The following RPTOR variants were observed in gnomAD, a reference collection of about 807,000 sequenced individuals.
RPTOR encodes the protein regulatory associated protein of MTOR complex 1, also known as regulatory-associated protein of mTOR.
RPTOR carries 21 observed loss-of-function variants against 169.9 expected under a neutral mutation model. That is an observed-to-expected ratio of 0.12 (90% CI 0.09 to 0.18). The LOEUF is 0.18. Among genes scored for constraint, RPTOR ranks in the 10% least tolerant of loss-of-function variants. RPTOR has a pLI of 1.00. For synonymous variants in RPTOR, 732 were observed against 753.2 expected (o/e 0.97, Z 0.46); for missense variants, 1,133 against 1,855.9 (o/e 0.61, Z 7.16).
At position 80,740,722 on chromosome 17, in the gene RPTOR, C is replaced by CA. The variant is rs113920656; in HGVS notation, c.654+10026dup. On this transcript the variant is annotated intron_variant, in intron 5 of 33. Coordinates refer to ENST00000306801, the MANE Select transcript of RPTOR (RefSeq NM_020761.3). ...ACTCTTTCATGCGAGAGAAAACAAA[C>CA]AAAAAAAAAACTTTCAGTGAACTAA... is the stretch of plus-strand genomic sequence containing the variant. Among the ~76,000 whole-genome samples the CA allele has an allele frequency of 7.6e-4, 111 of 146,770 alleles. No individual in the cohort carries two copies. The Middle Eastern group carries it at 0.01, about 14-fold the overall frequency.
intron 3 of RPTOR, among the ~76,000 whole-genome samples, chr17:80,645,215 G>C (rs968428886): frequency 1.3e-5 from 2 of 152,196 alleles, no homozygotes; most frequent in Non-Finnish European, 2.9e-5. Context: ...ACTTGCAGGA[G>C]TGTGGGGCAG....
At chr17:80,830,578 T>G (rs1049663701) in intron 9 of RPTOR, among the ~76,000 whole-genome samples, 4 of 152,172 alleles carry the variant, frequency 2.6e-5, no homozygotes, top group African/African-American at 9.7e-5. Flanking sequence ...CTGGGCCATC[T>G]TGCACGGGCC....
intron 1 of RPTOR, among the ~76,000 whole-genome samples, chr17:80,604,825 G>A (rs897640371): frequency 2.0e-5 from 3 of 152,072 alleles, no homozygotes; most frequent in Non-Finnish European, 4.4e-5. Flanking sequence ...ATCCATCCGC[G>A]CGATTCAATT....
chr17:80,949,417 A>G (rs745425313), intron 27 of RPTOR, 26 bp from the exon 28 acceptor site: 1 of 1,591,742 alleles, frequency 6.3e-7, no homozygotes, highest in Non-Finnish European at 8.6e-7. Context: ...GGCCTGGTTC[A>G]CATCCTTTCC....
intron 3 of RPTOR, among the ~76,000 whole-genome samples, chr17:80,653,112 A>G (rs2065653642): frequency 6.6e-6 from 1 of 152,162 alleles, no homozygotes; most frequent in African/African-American, 2.4e-5. Flanking sequence ...TATGAGTTCA[A>G]AATGGAGACT....
chr17:80,657,711 G>A (rs1412105964), intron 3 of RPTOR, among the ~76,000 whole-genome samples: 1 of 152,156 alleles, frequency 6.6e-6, no homozygotes, highest in Non-Finnish European at 1.5e-5. Context: ...GGGGAGGGCT[G>A]ACTTACTGGG....
intron 13 of RPTOR, among the ~76,000 whole-genome samples, chr17:80,870,111 A>G (rs771321843): frequency 2.0e-5 from 3 of 152,328 alleles, no homozygotes; most frequent in Middle Eastern, 3.4e-3. Context: ...AGGGTTTTTC[A>G]TAGATAAAAT....
At chr17:80,664,935 A>C (rs2143657843) in intron 3 of RPTOR, among the ~76,000 whole-genome samples, 1 of 152,352 alleles carries the variant, frequency 6.6e-6, no homozygotes, top group East Asian at 1.9e-4. Flanking sequence ...CAAAAGGAAC[A>C]AAAATGTTTT....
rs184979327 is a variant in RPTOR at position 80,551,923 on chromosome 17, G to C, written c.162+6132G>C. 9.1e-3 allele frequency among the ~76,000 whole-genome samples: 1,387 copies of C among 152,308 alleles called. 31 individuals carry two copies. The highest frequency in any genetic ancestry group is 0.031 in the African/African-American group (1,292 of 41,570). On this transcript the variant is annotated intron_variant, in intron 1 of 33. Coordinates refer to ENST00000306801, the MANE Select transcript of RPTOR (RefSeq NM_020761.3). Reference sequence around the variant, plus strand: ...TGGGTACTTGAGATTAGGGAGTGATGATGACTCTTAAGGAGCATGCTGCCT... The same window carrying C: ...TGGGTACTTGAGATTAGGGAGTGATCATGACTCTTAAGGAGCATGCTGCCT...
intron 5 of RPTOR, among the ~76,000 whole-genome samples, chr17:80,734,607 A>T (rs113208415): frequency 7.9e-4 from 121 of 152,338 alleles, no homozygotes; most frequent in African/African-American, 2.4e-3. Context: ...GGGACCAGGC[A>T]TCCTTAGCCG....
intron 2 of RPTOR, among the ~76,000 whole-genome samples, chr17:80,638,957 A>C (rs1011018058): frequency 6.6e-6 from 1 of 152,196 alleles, no homozygotes; most frequent in Non-Finnish European, 1.5e-5. Flanking sequence ...AGACGCTGCA[A>C]GGGCCGCGGG....
chr17:80,792,038 C>T (rs977385830), intron 7 of RPTOR, among the ~76,000 whole-genome samples: 2 of 152,136 alleles, frequency 1.3e-5, no homozygotes, highest in Admixed American at 6.5e-5. Context: ...ATAATCCTTC[C>T]AGTCCCATTG....
At chr17:80,687,017 T>C (rs146422213) in intron 3 of RPTOR, among the ~76,000 whole-genome samples, 7 of 152,326 alleles carry the variant, frequency 4.6e-5, no homozygotes, top group Admixed American at 1.3e-4. Context: ...AATCTGTCTG[T>C]CTGTGTCTTC....
intron 1 of RPTOR, among the ~76,000 whole-genome samples, chr17:80,600,257 T>A (rs1332953043): frequency 6.6e-6 from 1 of 151,716 alleles, no homozygotes; most frequent in Non-Finnish European, 1.5e-5. Context: ...TGGAGGAGAT[T>A]ATGAGTTAAT....
At chr17:80,794,423 G>A (rs1290904519) in intron 7 of RPTOR, among the ~76,000 whole-genome samples, 1 of 152,202 alleles carries the variant, frequency 6.6e-6, no homozygotes, top group East Asian at 1.9e-4. Flanking sequence ...GACATTTAAA[G>A]ACTGACCAAA....
intron 26 of RPTOR, among the ~76,000 whole-genome samples, chr17:80,946,097 G>T (rs1373314829): frequency 6.6e-6 from 1 of 152,152 alleles, no homozygotes; most frequent in Non-Finnish European, 1.5e-5. Context: ...GGGCCAGCTT[G>T]CTGCCCTGCC....
At chr17:80,800,484 A>C (rs192268375) in intron 7 of RPTOR, among the ~76,000 whole-genome samples, 63 of 152,294 alleles carry the variant, frequency 4.1e-4, no homozygotes, top group Non-Finnish European at 7.6e-4. Context: ...GTGCATAATT[A>C]TTTAGCAGTC....
At chr17:80,888,354 G>A (rs923446538) in intron 17 of RPTOR, among the ~76,000 whole-genome samples, 8 of 152,174 alleles carry the variant, frequency 5.3e-5, no homozygotes, top group Admixed American at 5.2e-4. Flanking sequence ...GGGCTCAAGT[G>A]ATCCACTCTG....
chr17:80,959,976 C>G lies in RPTOR; in HGVS notation c.3478-102C>G. The G allele has an allele frequency of 6.8e-7, 1 of 1,466,672 alleles. No individual in the cohort carries two copies. The highest frequency in any genetic ancestry group is 9.4e-7 in the Non-Finnish European group (1 of 1,068,688). 90.9% of individuals were successfully genotyped at this position (1,466,672 alleles called of 1,614,324 possible). On this transcript the variant is annotated intron_variant, in intron 29 of 33. Coordinates refer to ENST00000306801, the MANE Select transcript of RPTOR (RefSeq NM_020761.3). The surrounding 1 kb of genome is among the most constrained non-coding windows in gnomAD (Gnocchi z 6.7). ...CCCCTGCAGCCAGGGAGGGTGATCC[C>G]CACAGCCAGGCAGGCAGCAAGAGGG...
Sources: allele counts gnomAD v4.1 joint callset (sites outside exome capture counted in the v4.1 genomes callset), GRCh38; gene constraint gnomAD v4.1.1; non-coding constraint Gnocchi (gnomAD v3.1); transcripts MANE v1.5; gene names NCBI Gene and HGNC (gene_info 2026-07-23, HGNC 2026-07-21).